FAT4: variants seen among roughly 807,000 people sequenced by gnomAD.
FAT4 encodes the protein protocadherin Fat 4.
In FAT4, 84 loss-of-function variants were observed where a neutral mutation model predicts 303.9. The ratio of observed to expected loss-of-function variants is 0.28; its 90% CI spans 0.23 to 0.33. The LOEUF is 0.33. FAT4 is among the 10% of genes least tolerant of loss of function. FAT4 has a pLI of 1.00. For missense variants in FAT4, 6,005 were observed against 6,146.8 expected (o/e 0.98, Z 0.77); for synonymous variants, 2,307 against 2,298.8 (o/e 1.00, Z -0.10).
chr4:125,402,867 G>A (rs1471909135), intron 3 of FAT4, among the ~76,000 whole-genome samples: 1 of 151,728 alleles, frequency 6.6e-6, no homozygotes, highest in Admixed American at 6.6e-5. Context: ...TACAATAAAT[G>A]GTATATTTGT....
chr4:125,396,645 C>CACAT (rs1413277584), intron 2 of FAT4, among the ~76,000 whole-genome samples: 1 of 152,046 alleles, frequency 6.6e-6, no homozygotes, highest in East Asian at 1.9e-4. Context: ...CATGCGAGCA[C>CACAT]ACATGCACAC....
chr4:125,339,704 G>C (rs997501223), intron 2 of FAT4, among the ~76,000 whole-genome samples: 4 of 152,036 alleles, frequency 2.6e-5, no homozygotes, highest in Admixed American at 2.6e-4. Flanking sequence ...AGAAAACTGA[G>C]GCTCAGGGAA....
Position 125,487,355 on chromosome 4 carries a change from G to A in FAT4, c.12833G>A (p.Gly4278Asp). 1.2e-6 allele frequency: 2 copies of A among 1,610,906 alleles called. No individual in the cohort carries two copies. Among genetic ancestry groups the A allele is most frequent in the Non-Finnish European group, 1.7e-6 (2 of 1,177,616 alleles). The change falls in exon 17 of 18, where the codon GGC becomes GAC. Residue 4278 changes from glycine (G) to aspartate (D), a missense_variant. By Grantham distance (94) the Gly-to-Asp change is moderately conservative. Transcript: ENST00000394329. Reference sequence around the variant, plus strand: ...TAATATGTTTTACAGATTAAGAATGGCAAAGTATATTTTACATCCGATGCA... The same window carrying A: ...TAATATGTTTTACAGATTAAGAATGACAAAGTATATTTTACATCCGATGCA... ...SNYTTVKIKNGKVYFTSDAGI... is the reference protein window; with the variant it reads ...SNYTTVKIKNDKVYFTSDAGI...
chr4:125,459,490 C>T (rs186014459), intron 10 of FAT4, among the ~76,000 whole-genome samples: 72 of 152,076 alleles, frequency 4.7e-4, no homozygotes, highest in Admixed American at 1.8e-3. Flanking sequence ...TAAGCTATTC[C>T]CACTTTCCAT....
chr4:125,325,342 C>T (rs1278771727), intron 2 of FAT4, among the ~76,000 whole-genome samples: 3 of 152,070 alleles, frequency 2.0e-5, no homozygotes, highest in Non-Finnish European at 4.4e-5. Flanking sequence ...TAATATATGA[C>T]TCTCAACCTG....
intron 3 of FAT4, among the ~76,000 whole-genome samples, chr4:125,404,143 G>C (rs1234818607): frequency 6.6e-6 from 1 of 152,070 alleles, no homozygotes; most frequent in African/African-American, 2.4e-5. Context: ...ACAGCTCAAA[G>C]ACCTGAGAGT....
At position 125,487,416 on chromosome 4, in the gene FAT4, A is replaced by G. The variant is rs1220061823; in HGVS notation, c.12894A>G (p.Glu4298=). 2 of 1,614,076 alleles carry G rather than the reference A, an allele frequency of 1.2e-6. No individual in the cohort carries two copies. The highest frequency in any genetic ancestry group is 2.2e-5 in the South Asian group (2 of 91,072). The stretch of plus-strand genomic sequence containing the variant: ...GGAAAGTGGAGAGAAATATTCCTGA[A>G]GTATATGTTGCAGACGGCCACTGGC... The part of the protein sequence containing the change: ...IAGKVERNIP[E]VYVADGHWHT... Residue 4298 remains glutamate, a synonymous_variant, in exon 17 of 18, where the codon GAA becomes GAG. Transcript: ENST00000394329.
intron 2 of FAT4, among the ~76,000 whole-genome samples, chr4:125,351,393 A>G (rs1444345132): frequency 6.6e-6 from 1 of 151,790 alleles, no homozygotes; most frequent in African/African-American, 2.4e-5. Flanking sequence ...TTAGTCATAA[A>G]TCAACTAGCA....
chr4:125,436,956 G>GTGATTCTCC (rs1309590881), intron 8 of FAT4, among the ~76,000 whole-genome samples: 1 of 152,110 alleles, frequency 6.6e-6, no homozygotes, highest in Non-Finnish European at 1.5e-5. Context: ...CCAGGTTCCA[G>GTGATTCTCC]TGATTCTCCT....
chr4:125,470,898 T>C (rs547279948), intron 12 of FAT4, among the ~76,000 whole-genome samples: 4 of 152,358 alleles, frequency 2.6e-5, no homozygotes, highest in African/African-American at 9.6e-5. Context: ...AGAAGCCTAT[T>C]TGGCCTATCT....
At chr4:125,445,942 C>A (rs533019106) in intron 8 of FAT4, among the ~76,000 whole-genome samples, 12 of 152,058 alleles carry the variant, frequency 7.9e-5, no homozygotes, top group Non-Finnish European at 1.0e-4. Context: ...CATTTGTAAT[C>A]CTGGCTACTA....
intron 2 of FAT4, among the ~76,000 whole-genome samples, chr4:125,353,909 A>G (rs1322663368): frequency 6.6e-6 from 1 of 151,756 alleles, no homozygotes; most frequent in Admixed American, 6.6e-5. Flanking sequence ...AATTTTCAAT[A>G]ATCTATCATC....
Position 125,451,654 on chromosome 4 carries a change from T to C in FAT4, c.10644T>C (p.Tyr3548=), listed in dbSNP as rs750863500. The C allele has an allele frequency of 1.2e-6, 2 of 1,614,032 alleles. No homozygotes were observed. The highest frequency in any genetic ancestry group is 2.2e-5 in the East Asian group (1 of 44,882). The change falls in exon 10 of 18, where the codon TAT becomes TAC. Residue 3548 remains tyrosine (Y), a synonymous_variant. Coordinates refer to ENST00000394329, the MANE Select transcript of FAT4 (RefSeq NM_001291303.3). ...DLPPNQGPFT[Y]YLLSTGPATS... The stretch of plus-strand genomic sequence containing the variant: ...CTCCAAATCAAGGTCCCTTTACTTA[T>C]TACTTGCTGAGCACAGGTCCTGCCA...
chr4:125,409,104 AT>A lies in FAT4; in HGVS notation c.5920+314del, dbSNP rs147990721. Among the ~76,000 whole-genome samples the A allele has an allele frequency of 0.026, 3,894 of 152,088 alleles. 73 individuals are homozygous for A. The highest frequency in any genetic ancestry group is 0.079 in the East Asian group (411 of 5,180). ...TCATAAGACCACTTTTTTTTGTATA[AT>A]TTTGTTAGATAAATAAAAATATTAG... On this transcript the variant is annotated intron_variant, in intron 5 of 17. Coordinates refer to ENST00000394329, the MANE Select transcript of FAT4 (RefSeq NM_001291303.3).
intron 2 of FAT4, among the ~76,000 whole-genome samples, chr4:125,385,018 A>T (rs868835913): frequency 2.4e-4 from 16 of 68,024 alleles, no homozygotes; most frequent in African/African-American, 6.6e-4. Context: ...ATATATATAT[A>T]TATATATTTT....
intron 2 of FAT4, among the ~76,000 whole-genome samples, chr4:125,371,616 T>C (rs1156263113): frequency 6.6e-6 from 1 of 151,804 alleles, no homozygotes; most frequent in African/African-American, 2.4e-5. Context: ...AGACCTTGCC[T>C]CAGGGGCTGT....
Position 125,321,468 on chromosome 4 carries a change from A to T in FAT4, c.5057A>T (p.His1686Leu). ...TVGRLFTIGR[H>L]TGIIQTAAIL... is the part of the protein sequence containing the mutation. ...GGACGCCTCTTTACTATTGGACGACATACTGGTATAATTCAGACCGCAGCC... is the reference window on the plus strand; with the variant it reads ...GGACGCCTCTTTACTATTGGACGACTTACTGGTATAATTCAGACCGCAGCC... The change falls in exon 2 of 18, where the codon CAT becomes CTT. Residue 1686 changes from histidine to leucine, a missense_variant. Physicochemically the swap from His to Leu is moderately conservative, Grantham distance 99. Coordinates refer to ENST00000394329, the MANE Select transcript of FAT4 (RefSeq NM_001291303.3). 6.2e-7 allele frequency: 1 copy of T among 1,614,148 alleles called. No individual in the cohort carries two copies. Among genetic ancestry groups the T allele is most frequent in the Non-Finnish European group, 8.5e-7 (1 of 1,180,004 alleles).
intron 8 of FAT4, among the ~76,000 whole-genome samples, chr4:125,440,636 A>AGAGAGC (rs1725629292): frequency 6.6e-6 from 1 of 150,540 alleles, no homozygotes; most frequent in Non-Finnish European, 1.5e-5. Context: ...AGAGAGAGAG[A>AGAGAGC]GAGAGAGAAT....
intron 7 of FAT4, among the ~76,000 whole-genome samples, chr4:125,417,475 T>C (rs1025639286): frequency 1.3e-5 from 2 of 152,132 alleles, no homozygotes; most frequent in Non-Finnish European, 2.9e-5. Context: ...AAACCAGGAC[T>C]TGGAATTATT....
Sources: allele counts gnomAD v4.1 joint callset (sites outside exome capture counted in the v4.1 genomes callset), GRCh38; gene constraint gnomAD v4.1.1; transcripts MANE v1.5; gene names NCBI Gene and HGNC (gene_info 2026-07-23, HGNC 2026-07-21).